ADH7: variants seen among roughly 807,000 people sequenced by gnomAD.
ADH7 encodes the protein all-trans-retinol dehydrogenase [NAD(+)] ADH7.
A neutral mutation model predicts 34.4 loss-of-function variants in ADH7; 41 were observed. The observed-to-expected ratio is 1.19, with a 90% CI of 0.93 to 1.55. The LOEUF (loss-of-function observed/expected upper bound fraction) is 1.55. Among genes scored for constraint, ADH7 ranks in the 40% most tolerant of loss-of-function variants. The pLI, the probability that ADH7 is intolerant of heterozygous loss-of-function variation, is 0.00. For synonymous variants in ADH7, 180 were observed against 160.9 expected (o/e 1.12, Z -0.90); for missense variants, 540 against 461.2 (o/e 1.17, Z -1.56).
intron 6 of ADH7, among the ~76,000 whole-genome samples, chr4:99,419,782 T>A (rs1217688716): frequency 6.6e-6 from 1 of 152,156 alleles, no homozygotes; most frequent in African/African-American, 2.4e-5. Context: ...ATGAAATAAA[T>A]CTAAGTGATT....
rs765692865 is a variant in ADH7 at position 99,415,591 on chromosome 4, T to TG, written c.986dup (p.Leu331ThrfsTer4). On this transcript the variant is annotated frameshift_variant, in exon 8 of 9. Transcript: ENST00000437033. LOFTEE classifies it high-confidence loss of function. The stretch of plus-strand genomic sequence containing the variant: ...TTGCCAGGAACTCAGTCACTAGTTT[T>TG]GGGACATCATCTCTGCTTTTCAAAC... 11 of 1,613,560 alleles carry TG rather than the reference T, an allele frequency of 6.8e-6. No homozygotes were observed. In the Admixed American group the frequency reaches 1.0e-4, roughly 15 times the overall value.
chr4:99,415,726 A>C (rs993506056), intron 7 of ADH7, 110 bp from the exon 8 acceptor site: 2 of 1,170,056 alleles, frequency 1.7e-6, no homozygotes, highest in Admixed American at 4.3e-5. Context: ...CCTGTGTTAG[A>C]TCATTCCCAG....
chr4:99,435,078 T>C, intron 1 of ADH7, 138 bp downstream of exon 1: 5 of 1,548,266 alleles, frequency 3.2e-6, no homozygotes, highest in Non-Finnish European at 4.4e-6. Flanking sequence ...TTTCCCTCAC[T>C]GTATGCCTGC....
intron 3 of ADH7, 126 bp from the exon 4 acceptor site, chr4:99,428,300 C>T (rs924452698): frequency 1.9e-5 from 23 of 1,214,258 alleles, no homozygotes; most frequent in Admixed American, 8.9e-5. Flanking sequence ...TTATAAACAC[C>T]GTAAGGTTTG....
chr4:99,422,036 G>A (rs1271558137), intron 5 of ADH7, among the ~76,000 whole-genome samples: 2 of 152,112 alleles, frequency 1.3e-5, no homozygotes, highest in East Asian at 1.9e-4. Flanking sequence ...AAATAAGAAC[G>A]CTTTTTACAC....
chr4:99,413,795 T>C (rs1025857287), intron 8 of ADH7, among the ~76,000 whole-genome samples: 1 of 152,150 alleles, frequency 6.6e-6, no homozygotes, highest in Non-Finnish European at 1.5e-5. Context: ...GCGTGGGCAA[T>C]GAGATGAGGG....
chr4:99,420,982 C>A (rs943325160), intron 5 of ADH7, among the ~76,000 whole-genome samples, 189 bp from the exon 6 acceptor site: 16 of 152,194 alleles, frequency 1.1e-4, no homozygotes, highest in Non-Finnish European at 2.2e-4. Context: ...TTACAAACCA[C>A]TGCTCAAGGA....
Position 99,415,425 on chromosome 4 carries a change from A to G in ADH7, c.1100+53T>C. On this transcript the variant is annotated intron_variant, in intron 8 of 8. Coordinates refer to ENST00000437033, the MANE Select transcript of ADH7 (RefSeq NM_000673.7). Reference sequence around the variant, plus strand: ...AAACAGGCACATTTATAAGTACTAAATTTTAAAAGTAGCCTGTGGAGAAGA... The same window carrying G: ...AAACAGGCACATTTATAAGTACTAAGTTTTAAAAGTAGCCTGTGGAGAAGA... The G allele has an allele frequency of 4.5e-6, 7 of 1,569,702 alleles. No individual in the cohort carries two copies. The South Asian group carries it at 8.2e-5, about 18-fold the overall frequency.
chr4:99,422,634 A>G (rs1482640666), intron 5 of ADH7, among the ~76,000 whole-genome samples: 4 of 152,156 alleles, frequency 2.6e-5, no homozygotes, highest in African/African-American at 9.7e-5. Flanking sequence ...TAGAAGAAAT[A>G]AAAAATCATA....
Position 99,427,869 on chromosome 4 carries a change from A to G in ADH7, c.468T>C (p.Ser156=). Residue 156 remains serine, a synonymous_variant, in exon 5 of 9, where the codon TCT becomes TCC. Transcript: ENST00000437033. The part of the protein sequence containing the change: ...FTEYTVVDES[S]VAKIDDAAPP... ...GAGCTGCATCATCAATCTTAGCAAC[A>G]GAAGATTCATCCACCACTGTGTACT... is the stretch of plus-strand genomic sequence containing the variant. The G allele has an allele frequency of 6.2e-7, 1 of 1,613,708 alleles. No individual in the cohort carries two copies. The highest frequency in any genetic ancestry group is 8.5e-7 in the Non-Finnish European group (1 of 1,179,804).
At chr4:99,420,418 C>A in intron 6 of ADH7, 115 bp downstream of exon 6, 1 of 1,230,248 alleles carries the variant, frequency 8.1e-7, no homozygotes, top group Non-Finnish European at 1.1e-6. Flanking sequence ...GTAAAACTGA[C>A]TATCGCAGAG....
At chr4:99,419,983 G>T (rs960850808) in intron 6 of ADH7, among the ~76,000 whole-genome samples, 3 of 152,100 alleles carry the variant, frequency 2.0e-5, no homozygotes, top group African/African-American at 2.4e-5. Context: ...TGTTTTACAG[G>T]TCTAACTGAA....
chr4:99,415,418 G>A, intron 8 of ADH7, 60 bp downstream of exon 8: 1 of 1,510,294 alleles, frequency 6.6e-7, no homozygotes, highest in Non-Finnish European at 9.1e-7. Context: ...ACATTTATAA[G>A]TACTAAATTT....
chr4:99,415,514 A>AT lies in ADH7; in HGVS notation c.1063dup (p.Ile355AsnfsTer3). On this transcript the variant is annotated frameshift_variant, in exon 8 of 9. Coordinates refer to ENST00000437033, the MANE Select transcript of ADH7 (RefSeq NM_000673.7). LOFTEE classifies it low-confidence loss of function (END_TRUNC). ...ATTGAGCAGCTCAAATCCTTCACTG[A>AT]TTTTTTTAAATGGTAAAACATGAGT... 2 of 1,613,364 alleles carry AT rather than the reference A, an allele frequency of 1.2e-6. No individual in the cohort carries two copies. Among genetic ancestry groups the AT allele is most frequent in the Non-Finnish European group, 1.7e-6 (2 of 1,179,574 alleles).
At chr4:99,415,271 A>G in intron 8 of ADH7, 2 of 541,964 alleles carry the variant, frequency 3.7e-6, no homozygotes, top group Non-Finnish European at 6.4e-6. Flanking sequence ...TTTGCTTTAT[A>G]AATGACCCAG....
In ADH7 at chr4:99,435,300, C is replaced by T; in HGVS notation, c.-67G>A. On this transcript the variant is annotated 5_prime_UTR_variant, in exon 1 of 9. Transcript: ENST00000437033. The stretch of plus-strand genomic sequence containing the variant: ...TTTTCTGACTGATGCTCAGTTCACT[C>T]TGTTGTATATAACAGCAGCTTGTGC... The T allele has an allele frequency of 6.2e-7, 1 of 1,607,584 alleles. No individual in the cohort carries two copies. The highest frequency in any genetic ancestry group is 1.1e-5 in the South Asian group (1 of 90,114).
At chr4:99,430,374 C>T (rs964152668) in intron 1 of ADH7, 1 of 152,154 alleles carries the variant, frequency 6.6e-6, no homozygotes, top group Non-Finnish European at 1.5e-5. Flanking sequence ...TGTAGTTATT[C>T]AATTAAATGG....
In ADH7 at chr4:99,429,591, G is replaced by T. The variant is rs773461976; in HGVS notation, c.61C>A (p.Pro21Thr). ...KAAVLWEQKQPFSIEEIEVAP... is the reference protein window; with the variant it reads ...KAAVLWEQKQTFSIEEIEVAP... ...ACTTCTATTTCCTCAATGGAGAAGG[G>T]TTGCTTCTGCTCCCAAAGCACAGCT... The change falls in exon 2 of 9, where the codon CCC (proline) becomes ACC (threonine). Residue 21 changes from proline to threonine, a missense_variant. Pro to Thr is a conservative substitution (Grantham distance 38, BLOSUM62 -1). Coordinates refer to ENST00000437033, the MANE Select transcript of ADH7 (RefSeq NM_000673.7). 1 of 1,612,294 alleles carries T rather than the reference G, an allele frequency of 6.2e-7. No homozygotes were observed. Among genetic ancestry groups the T allele is most frequent in the East Asian group, 2.2e-5 (1 of 44,860 alleles).
intron 5 of ADH7, among the ~76,000 whole-genome samples, chr4:99,421,139 GA>G (rs1217477610): frequency 2.0e-5 from 3 of 151,936 alleles, no homozygotes; most frequent in East Asian, 1.9e-4. Context: ...CACAGAATTA[GA>G]AAAAAACTAC....
Sources: gnomAD v4.1 joint callset for allele counts (sites outside exome capture counted in the v4.1 genomes callset) on GRCh38, gnomAD v4.1.1 for gene constraint, MANE v1.5 for transcripts, NCBI Gene and HGNC (gene_info 2026-07-23, HGNC 2026-07-21) for gene names.